CEP112: variants seen among roughly 807,000 people sequenced by gnomAD.
CEP112 encodes the protein centrosomal protein 112.
A neutral mutation model predicts 153.0 loss-of-function variants in CEP112; 127 were observed. The observed-to-expected ratio is 0.83, with a 90% CI of 0.72 to 0.96. The LOEUF (loss-of-function observed/expected upper bound fraction) is 0.96. CEP112 is among the 40% of genes least tolerant of loss of function. CEP112 has a pLI of 0.00. For synonymous variants in CEP112, 358 were observed against 374.4 expected (o/e 0.96, Z 0.51); for missense variants, 1,089 against 1,101.2 (o/e 0.99, Z 0.16).
intron 21 of CEP112, among the ~76,000 whole-genome samples, chr17:65,804,974 G>T (rs1350745600): frequency 6.6e-6 from 1 of 151,708 alleles, no homozygotes; most frequent in Non-Finnish European, 1.5e-5. Context: ...TCAGCCTCCA[G>T]AGTAGATTGC....
intron 24 of CEP112, among the ~76,000 whole-genome samples, chr17:65,676,878 A>T (rs2047261187): frequency 6.6e-6 from 1 of 152,214 alleles, no homozygotes; most frequent in Admixed American, 6.5e-5. Flanking sequence ...TAAAATCTTA[A>T]GCTGAAGAGT....
Position 65,911,503 on chromosome 17 carries a change from G to C in CEP112, c.1981-9169C>G, listed in dbSNP as rs10468516. ...ACATTCTAAAAATAATCTCTTATGT[G>C]GTTAAAAAAATGTTTTTCTAAATTT... On this transcript the variant is annotated intron_variant, in intron 19 of 26. Transcript: ENST00000535342. 3.5e-3 allele frequency among the ~76,000 whole-genome samples: 526 copies of C among 152,060 alleles called. 2 individuals carry two copies. Among genetic ancestry groups the C allele is most frequent in the African/African-American group, 0.012 (484 of 41,498 alleles).
In CEP112 at chr17:66,066,766, A is replaced by G. The variant is rs191891486; in HGVS notation, c.955+12T>C. ...ATGTTATTAAAAGATGTATGTAACA[A>G]CACAACATCACCTTTCTTTTCAAGC... On this transcript the variant is annotated intron_variant, in intron 10 of 26. Coordinates refer to ENST00000535342, the MANE Select transcript of CEP112 (RefSeq NM_001199165.4). The G allele has an allele frequency of 5.1e-5, 75 of 1,468,582 alleles. No homozygotes were observed. In the African/African-American group the frequency reaches 1.0e-3, roughly 20 times the overall value. The allele number at this position is 1,468,582 out of a possible 1,614,324, so 91.0% of individuals were successfully genotyped here. A position where few individuals can be genotyped will look rare whatever the true frequency, so the allele number is the denominator to read the frequency against.
At chr17:66,157,992 T>A (rs2071522666) in intron 4 of CEP112, among the ~76,000 whole-genome samples, 1 of 152,056 alleles carries the variant, frequency 6.6e-6, no homozygotes, top group African/African-American at 2.4e-5. Context: ...GACAGAAAAT[T>A]AACAAGGAGA....
chr17:66,032,398 G>GT (rs1241528701), intron 12 of CEP112, among the ~76,000 whole-genome samples: 8 of 151,646 alleles, frequency 5.3e-5, no homozygotes, highest in Non-Finnish European at 1.2e-4. Context: ...GTTTTCTGCA[G>GT]TATCAGTGTA....
intron 19 of CEP112, among the ~76,000 whole-genome samples, chr17:65,915,180 C>T (rs2060430498): frequency 6.6e-6 from 1 of 152,180 alleles, no homozygotes; most frequent in African/African-American, 2.4e-5. Context: ...CCTGGAAGTT[C>T]CTTTCTCTTC....
rs1303962241 is a variant in CEP112 at position 65,937,599 on chromosome 17, C to A, written c.1873-9910G>T. Among the ~76,000 whole-genome samples, 2 of 108,998 alleles carry A rather than the reference C, an allele frequency of 1.8e-5. 1 individual carries two copies. Among genetic ancestry groups the A allele is most frequent in the Non-Finnish European group, 3.9e-5 (2 of 51,868 alleles). 71.5% of individuals were successfully genotyped at this position (108,998 alleles called of 152,430 possible). ...GTCAGCCCCCCACCCGGCCAGCCGC[C>A]CCGTCCGGGAGGGAGGTGGGGGGGT... On this transcript the variant is annotated intron_variant, in intron 18 of 26. Transcript: ENST00000535342.
At chr17:65,678,825 G>A (rs991000002) in intron 24 of CEP112, among the ~76,000 whole-genome samples, 1 of 151,672 alleles carries the variant, frequency 6.6e-6, no homozygotes, top group African/African-American at 2.4e-5. Context: ...CAAGCACATA[G>A]AGGATCCTGC....
At chr17:66,033,301 A>G (rs1295187145) in intron 12 of CEP112, among the ~76,000 whole-genome samples, 6 of 152,106 alleles carry the variant, frequency 3.9e-5, no homozygotes, top group African/African-American at 1.4e-4. Flanking sequence ...TATACTGTAA[A>G]AGTCACACAG....
intron 21 of CEP112, among the ~76,000 whole-genome samples, chr17:65,769,837 A>G (rs2053231617): frequency 6.6e-6 from 1 of 152,066 alleles, no homozygotes; most frequent in African/African-American, 2.4e-5. Context: ...AATGCTGATC[A>G]GTTTTTTTCC....
chr17:66,150,161 A>G (rs1364908681), intron 4 of CEP112, among the ~76,000 whole-genome samples: 1 of 148,930 alleles, frequency 6.7e-6, no homozygotes, highest in South Asian at 2.1e-4. Flanking sequence ...CGGCCTCCCA[A>G]AGTACTGGGA....
chr17:66,158,128 A>G (rs1297941112), intron 4 of CEP112, among the ~76,000 whole-genome samples: 1 of 152,192 alleles, frequency 6.6e-6, no homozygotes, highest in Non-Finnish European at 1.5e-5. Flanking sequence ...AATCGTCCAC[A>G]TAATTGGAAG....
chr17:66,100,622 CTAAA>C (rs2068531876), intron 6 of CEP112, among the ~76,000 whole-genome samples: 1 of 151,770 alleles, frequency 6.6e-6, no homozygotes, highest in Non-Finnish European at 1.5e-5. Flanking sequence ...ATAAATGCAA[CTAAA>C]TATTTTAAAT....
At chr17:65,816,074 T>C (rs1282175234) in intron 21 of CEP112, among the ~76,000 whole-genome samples, 1 of 152,062 alleles carries the variant, frequency 6.6e-6, no homozygotes, top group Non-Finnish European at 1.5e-5. Flanking sequence ...TGGGAAAAAA[T>C]AATATGGTCT....
In CEP112 at chr17:66,134,610, A is replaced by G. The variant is rs920350780; in HGVS notation, c.471-1847T>C. ...CCCAGCACTTTGGGAGGCCAAGGTC[A>G]GCCTATTGCTTAAACTCAGGAGTTT... On this transcript the variant is annotated intron_variant, in intron 4 of 26. Transcript: ENST00000535342. 2.0e-4 allele frequency among the ~76,000 whole-genome samples: 30 copies of G among 152,210 alleles called. 1 individual carries two copies. Among genetic ancestry groups the G allele is most frequent in the African/African-American group, 7.2e-4 (30 of 41,444 alleles).
intron 4 of CEP112, among the ~76,000 whole-genome samples, chr17:66,161,853 C>T (rs2071725456): frequency 6.6e-6 from 1 of 151,586 alleles, no homozygotes; most frequent in South Asian, 2.1e-4. Context: ...TAAAAAAACT[C>T]TGCACGAATT....
chr17:65,930,848 T>C lies in CEP112; in HGVS notation c.1873-3159A>G, dbSNP rs1029018184. 9.5e-5 allele frequency among the ~76,000 whole-genome samples: 12 copies of C among 126,540 alleles called. No homozygotes were observed. The East Asian group carries it at 2.2e-3, about 23-fold the overall frequency. 83.0% of individuals were successfully genotyped at this position (126,540 alleles called of 152,430 possible). A position where few individuals can be genotyped will look rare whatever the true frequency, so the allele number is the denominator to read the frequency against. On this transcript the variant is annotated intron_variant, in intron 18 of 26. Coordinates refer to ENST00000535342, the MANE Select transcript of CEP112 (RefSeq NM_001199165.4). The stretch of plus-strand genomic sequence containing the variant: ...TTTTGCCCATCATACTATCAGTAGG[T>C]CTTTTCATTTTTTTTTTTCATCCAG...
intron 6 of CEP112, among the ~76,000 whole-genome samples, chr17:66,101,420 T>C (rs1369549173): frequency 1.3e-5 from 2 of 152,048 alleles, no homozygotes; most frequent in Non-Finnish European, 2.9e-5. Flanking sequence ...GAACATTTTA[T>C]CTTAGTTAAA....
intron 20 of CEP112, among the ~76,000 whole-genome samples, chr17:65,887,254 A>G (rs916928664): frequency 2.6e-5 from 4 of 152,162 alleles, no homozygotes; most frequent in African/African-American, 9.7e-5. Context: ...CTGTCTTCCC[A>G]CCTGTAAAAA....
Sources: allele counts gnomAD v4.1 joint callset (sites outside exome capture counted in the v4.1 genomes callset), GRCh38; gene constraint gnomAD v4.1.1; transcripts MANE v1.5; gene names NCBI Gene and HGNC (gene_info 2026-07-23, HGNC 2026-07-21).